Variants in DNAH9 observed in about 807,000 individuals in gnomAD.
The protein encoded by DNAH9 is dynein axonemal heavy chain 9, also known as DNAH9 variant protein.
In DNAH9, 345 loss-of-function variants were observed where a neutral mutation model predicts 471.6. That is an observed-to-expected ratio of 0.73 (90% confidence interval 0.67 to 0.80). DNAH9 has a LOEUF of 0.80. Among genes scored for constraint, DNAH9 ranks in the 30% least tolerant of loss-of-function variants. The probability of loss-of-function intolerance (pLI) is 0.00; values close to 1 mark genes in which losing one functional copy is unlikely to be tolerated. For synonymous variants in DNAH9, 2,093 were observed against 2,123.6 expected (o/e 0.99, Z 0.40); for missense variants, 5,407 against 5,609.2 (o/e 0.96, Z 1.15).
At position 11,766,407 on chromosome 17, in the gene DNAH9, C is replaced by T. The variant is rs115087470; in HGVS notation, c.7171-2046C>T. 7.4e-3 allele frequency among the ~76,000 whole-genome samples: 1,129 copies of T among 152,162 alleles called. 13 individuals are homozygous for T. Among genetic ancestry groups the T allele is most frequent in the African/African-American group, 0.025 (1,045 of 41,510 alleles). ...AAACACCAGATTGTGAGACTGACAA[C>T]CTGGGTTCAACTCCCAATTCTGTCG... On this transcript the variant is annotated intron_variant, in intron 36 of 68. Coordinates refer to ENST00000262442, the MANE Select transcript of DNAH9 (RefSeq NM_001372.4).
At chr17:11,943,127 CTCATAA>C (rs889419886) in intron 67 of DNAH9, among the ~76,000 whole-genome samples, 1 of 151,758 alleles carries the variant, frequency 6.6e-6, no homozygotes, top group Non-Finnish European at 1.5e-5. Context: ...ATCTCCTGAC[CTCATAA>C]TCCACCCGCC....
chr17:11,741,616 CTTTT>C (rs2075434187), intron 29 of DNAH9, among the ~76,000 whole-genome samples: 1 of 151,756 alleles, frequency 6.6e-6, no homozygotes, highest in Admixed American at 6.6e-5. Flanking sequence ...ACCACAGTTA[CTTTT>C]GGACCCACTT....
intron 10 of DNAH9, among the ~76,000 whole-genome samples, chr17:11,643,355 T>C (rs1567685119): frequency 6.6e-6 from 1 of 150,860 alleles, no homozygotes; most frequent in East Asian, 1.9e-4. Context: ...GGGACCCTCA[T>C]GTAAAAACGT....
At chr17:11,632,387 G>A (rs1165880218) in intron 7 of DNAH9, among the ~76,000 whole-genome samples, 200 bp from the exon 8 acceptor site, 2 of 152,138 alleles carry the variant, frequency 1.3e-5, no homozygotes, top group Non-Finnish European at 2.9e-5. Flanking sequence ...CCATCTTGCT[G>A]GAACCCTCTA....
intron 28 of DNAH9, among the ~76,000 whole-genome samples, chr17:11,732,502 T>G (rs1597562411): frequency 1.3e-5 from 2 of 152,136 alleles, no homozygotes; most frequent in African/African-American, 4.8e-5. Flanking sequence ...CTTGTCCGTC[T>G]GTGCTCCTCT....
At chr17:11,652,718 A>G (rs1364209914) in intron 13 of DNAH9, 43 bp from the exon 14 acceptor site, 1 of 1,583,436 alleles carries the variant, frequency 6.3e-7, no homozygotes, top group East Asian at 2.2e-5. Flanking sequence ...TAGCTATGCC[A>G]CTGCAGGCTA....
chr17:11,636,270 C>G (rs999145646), intron 8 of DNAH9, among the ~76,000 whole-genome samples: 2 of 152,176 alleles, frequency 1.3e-5, no homozygotes, highest in Non-Finnish European at 2.9e-5. Flanking sequence ...TCCCAAAGTG[C>G]TGAAATTACA....
At chr17:11,919,663 T>C (rs1974073113) in intron 61 of DNAH9, among the ~76,000 whole-genome samples, 1 of 152,166 alleles carries the variant, frequency 6.6e-6, no homozygotes, top group Non-Finnish European at 1.5e-5. Context: ...ATGTGAATTA[T>C]TCCTTTTATT....
intron 4 of DNAH9, among the ~76,000 whole-genome samples, chr17:11,614,687 G>T (rs1254467967): frequency 6.6e-6 from 1 of 152,202 alleles, no homozygotes; most frequent in East Asian, 1.9e-4. Flanking sequence ...TGGGTGTCCG[G>T]TGAGGGCCTG....
chr17:11,849,532 T>C (rs1267143117), intron 49 of DNAH9, among the ~76,000 whole-genome samples: 1 of 152,212 alleles, frequency 6.6e-6, no homozygotes, highest in African/African-American at 2.4e-5. Flanking sequence ...CTGTACATCA[T>C]AGCCAAGCTT....
intron 1 of DNAH9, among the ~76,000 whole-genome samples, chr17:11,600,974 C>T (rs983300340): frequency 6.2e-4 from 94 of 152,342 alleles, no homozygotes; most frequent in South Asian, 1.0e-3. Context: ...CATCGCTCCC[C>T]TGAGCTCCTG....
intron 20 of DNAH9, among the ~76,000 whole-genome samples, chr17:11,692,932 G>T (rs1408340434): frequency 6.6e-6 from 1 of 152,102 alleles, no homozygotes; most frequent in African/African-American, 2.4e-5. Context: ...TTGAGATGGA[G>T]TCTCGCTTTG....
At position 11,871,602 on chromosome 17, in the gene DNAH9, G is replaced by T; in HGVS notation, c.10058G>T (p.Gly3353Val). The T allele has an allele frequency of 6.2e-7, 1 of 1,613,608 alleles. No individual in the cohort carries two copies. The highest frequency in any genetic ancestry group is 8.5e-7 in the Non-Finnish European group (1 of 1,179,494). Residue 3353 changes from glycine (G) to valine (V), a missense_variant, in exon 52 of 69, where the codon GGA becomes GTA. Transcript: ENST00000262442. ...CTCTGGCTTTTGAAATGGTAGGTTG[G>T]AGGACTCGCTTCTGAAAACGTGAGG... The part of the protein sequence containing the change: ...VTISLANRLV[G>V]GLASENVRWA...
At position 11,822,435 on chromosome 17, in the gene DNAH9, C is replaced by A; in HGVS notation, c.8851-3C>A. 6.2e-7 allele frequency: 1 copy of A among 1,614,138 alleles called. No individual in the cohort carries two copies. ...GGTTCTCCCCACCCTTCTGACTTCT[C>A]AGGTGACTCTCTGTTTCTCCCCTGT... On this transcript the variant is annotated splice_region_variant and splice_polypyrimidine_tract_variant and intron_variant, in intron 46 of 68. Transcript: ENST00000262442.
At chr17:11,637,646 C>T (rs1435222930) in intron 9 of DNAH9, among the ~76,000 whole-genome samples, 5 of 152,096 alleles carry the variant, frequency 3.3e-5, no homozygotes, top group Non-Finnish European at 7.4e-5. Flanking sequence ...TATAGTCAGT[C>T]GCACAGCGCT....
Position 11,932,248 on chromosome 17 carries a change from G to A in DNAH9, c.12297+43G>A. On this transcript the variant is annotated intron_variant, in intron 64 of 68. Coordinates refer to ENST00000262442, the MANE Select transcript of DNAH9 (RefSeq NM_001372.4). The surrounding 1 kb of genome is among the most constrained non-coding windows in gnomAD (Gnocchi z 4.3). The stretch of plus-strand genomic sequence containing the variant: ...TCAGGGACCAGCCAGGTTGGGAGAG[G>A]GTTAAAATTATTTAATTTTGAGGGG... The A allele has an allele frequency of 6.3e-7, 1 of 1,586,818 alleles. No individual in the cohort carries two copies. Among genetic ancestry groups the A allele is most frequent in the Non-Finnish European group, 8.6e-7 (1 of 1,163,896 alleles).
chr17:11,618,931 C>T (rs143598440), intron 5 of DNAH9, among the ~76,000 whole-genome samples: 70 of 152,284 alleles, frequency 4.6e-4, no homozygotes, highest in African/African-American at 1.5e-3. Context: ...TTCCATTACT[C>T]CATGTTTATC....
intron 45 of DNAH9, among the ~76,000 whole-genome samples, chr17:11,811,591 A>C (rs1367740502): frequency 6.6e-6 from 1 of 152,104 alleles, no homozygotes; most frequent in Non-Finnish European, 1.5e-5. Flanking sequence ...TCCTCCTTTC[A>C]GTCTCATCAC....
chr17:11,882,604 G>A (rs1335250206), intron 55 of DNAH9, among the ~76,000 whole-genome samples: 1 of 152,118 alleles, frequency 6.6e-6, no homozygotes, highest in Admixed American at 6.5e-5. Context: ...ATTCAGCAGT[G>A]AACAAAGAAA....
Sources: allele counts gnomAD v4.1 joint callset (sites outside exome capture counted in the v4.1 genomes callset), GRCh38; gene constraint gnomAD v4.1.1; non-coding constraint Gnocchi (gnomAD v3.1); transcripts MANE v1.5; gene names NCBI Gene and HGNC (gene_info 2026-07-23, HGNC 2026-07-21).